Variants in CLASP1 observed in about 807,000 individuals in gnomAD.
CLASP1 encodes the protein cytoplasmic linker associated protein 1.
CLASP1 carries 38 observed loss-of-function variants against 192.3 expected under a neutral mutation model. The ratio of observed to expected loss-of-function variants is 0.20; its 90% CI spans 0.15 to 0.26. CLASP1 has a LOEUF of 0.26. Among genes scored for constraint, CLASP1 ranks in the 10% least tolerant of loss-of-function variants. CLASP1 has a pLI of 1.00. For missense variants in CLASP1, 1,433 were observed against 1,932.5 expected (o/e 0.74, Z 4.85); for synonymous variants, 691 against 712.8 (o/e 0.97, Z 0.49).
chr2:121,454,923 T>C lies in CLASP1; in HGVS notation c.1385+2764A>G, dbSNP rs113787080. On this transcript the variant is annotated intron_variant, in intron 14 of 39. Coordinates refer to ENST00000263710, the Ensembl canonical transcript of CLASP1. ...TTCACTAAATGTTTTACGTAATGAT[T>C]GTGAATCCTCCAAACCTTACAGAGG... Among the ~76,000 whole-genome samples, 936 of 152,360 alleles carry C rather than the reference T, an allele frequency of 6.1e-3. 3 individuals are homozygous for C. Among genetic ancestry groups the C allele is most frequent in the Non-Finnish European group, 0.01 (685 of 68,036 alleles).
chr2:121,352,487 C>T (rs778799364), intron 37 of CLASP1, among the ~76,000 whole-genome samples: 17 of 152,196 alleles, frequency 1.1e-4, no homozygotes, highest in African/African-American at 3.6e-4. Flanking sequence ...CTGGTGTGTA[C>T]GTGTGGCCTT....
chr2:121,376,890 T>C (rs2070371977), intron 34 of CLASP1, among the ~76,000 whole-genome samples: 1 of 152,128 alleles, frequency 6.6e-6, no homozygotes, highest in Non-Finnish European at 1.5e-5. Flanking sequence ...TTTGTCACTG[T>C]CTCCCAGCAC....
intron 4 of CLASP1, 56 bp downstream of exon 4, chr2:121,528,621 C>T (rs1478687241): frequency 7.5e-7 from 1 of 1,330,992 alleles, no homozygotes; most frequent in African/African-American, 1.4e-5. Context: ...CACACCCTCG[C>T]ACGTGCATGC....
intron 7 of CLASP1, among the ~76,000 whole-genome samples, chr2:121,511,734 A>C (rs546474127): frequency 6.6e-6 from 1 of 152,392 alleles, no homozygotes; most frequent in African/African-American, 2.4e-5. Flanking sequence ...ATCAATAAAA[A>C]CAGTTGACAG....
Position 121,625,285 on chromosome 2 carries a change from T to C in CLASP1, c.-285-19105A>G, listed in dbSNP as rs2068095434. ...TTCTATACTAAGTATTCCATGTGCA[T>C]GTACAAATGAAAAGCAAGTCTCCCT... On this transcript the variant is annotated intron_variant, in intron 1 of 39. Coordinates refer to ENST00000263710, the Ensembl canonical transcript of CLASP1. 2.6e-5 allele frequency among the ~76,000 whole-genome samples: 4 copies of C among 152,298 alleles called. No individual in the cohort carries two copies. The East Asian group carries it at 7.7e-4, about 29-fold the overall frequency.
chr2:121,615,656 C>T (rs188327169), intron 1 of CLASP1, among the ~76,000 whole-genome samples: 19 of 152,078 alleles, frequency 1.2e-4, no homozygotes, highest in Admixed American at 9.8e-4. Context: ...TGGTGGCACA[C>T]GCCTGTAATC....
chr2:121,565,498 C>G (rs992839838), intron 2 of CLASP1, among the ~76,000 whole-genome samples: 6 of 152,180 alleles, frequency 3.9e-5, no homozygotes, highest in Non-Finnish European at 8.8e-5. Flanking sequence ...TTTAAACCCT[C>G]TCTAAATGAG....
chr2:121,417,729 A>T (rs1347601549), intron 23 of CLASP1, among the ~76,000 whole-genome samples: 1 of 152,268 alleles, frequency 6.6e-6, no homozygotes. Flanking sequence ...GACACTGATT[A>T]GGGAAAAAAG....
chr2:121,417,011 G>A (rs2078712757), intron 23 of CLASP1, among the ~76,000 whole-genome samples: 2 of 152,304 alleles, frequency 1.3e-5, no homozygotes, highest in South Asian at 4.2e-4. Context: ...ATTTTAGCTC[G>A]AAGACCTTAA....
chr2:121,413,676 T>C (rs2078098300), intron 23 of CLASP1, among the ~76,000 whole-genome samples: 2 of 152,220 alleles, frequency 1.3e-5, no homozygotes, highest in African/African-American at 4.8e-5. Context: ...AAATTATGTA[T>C]GCTATAATTT....
chr2:121,456,510 G>A (rs1379233758), intron 14 of CLASP1, among the ~76,000 whole-genome samples: 10 of 140,528 alleles, frequency 7.1e-5, no homozygotes, highest in African/African-American at 2.1e-4. Context: ...AAGAAAGGAA[G>A]GAAGGAAAGG....
At chr2:121,537,152 G>C in intron 2 of CLASP1, among the ~76,000 whole-genome samples, 1 of 152,170 alleles carries the variant, frequency 6.6e-6, no homozygotes, top group East Asian at 1.9e-4. Context: ...AGCAATTTGA[G>C]AGGTCAAGGC....
intron 22 of CLASP1, among the ~76,000 whole-genome samples, chr2:121,423,403 G>A (rs1264291226): frequency 6.6e-6 from 1 of 151,888 alleles, no homozygotes; most frequent in Non-Finnish European, 1.5e-5. Context: ...TTAAAACCAT[G>A]GAACACATTA....
chr2:121,344,337 A>T (rs1418304111), intron 39 of CLASP1, among the ~76,000 whole-genome samples: 5 of 151,910 alleles, frequency 3.3e-5, no homozygotes, highest in African/African-American at 1.2e-4. Flanking sequence ...CTTAAAAAAA[A>T]ACCTTTTTTT....
chr2:121,624,892 C>A (rs1051766320), intron 1 of CLASP1, among the ~76,000 whole-genome samples: 9 of 152,142 alleles, frequency 5.9e-5, no homozygotes, highest in African/African-American at 2.2e-4. Flanking sequence ...GAGTATTTTC[C>A]AATTTTCCTG....
At chr2:121,362,389 G>A (rs1443716521) in intron 37 of CLASP1, among the ~76,000 whole-genome samples, 1 of 147,740 alleles carries the variant, frequency 6.8e-6, no homozygotes, top group African/African-American at 2.4e-5. Flanking sequence ...CTGAGTTTTT[G>A]CTGAGTGTGC....
rs774477623 is a variant in CLASP1 at position 121,468,140 on chromosome 2, T to C, written c.865+1668A>G. Among the ~76,000 whole-genome samples the C allele has an allele frequency of 5.5e-4, 84 of 152,212 alleles. 1 individual carries two copies. Among genetic ancestry groups the C allele is most frequent in the Admixed American group, 3.3e-3 (51 of 15,290 alleles). The stretch of plus-strand genomic sequence containing the variant: ...TTTCTGGGTTCTCTCTTCTATTCCA[T>C]TGGTCTATGTGTCTGTTCTTGTACT... On this transcript the variant is annotated intron_variant, in intron 9 of 39. Transcript: ENST00000263710.
chr2:121,381,793 T>C (rs1466684222), intron 33 of CLASP1, among the ~76,000 whole-genome samples: 1 of 152,110 alleles, frequency 6.6e-6, no homozygotes, highest in Non-Finnish European at 1.5e-5. Flanking sequence ...GTGACAGGTA[T>C]GGTTTGGGAA....
intron 7 of CLASP1, among the ~76,000 whole-genome samples, chr2:121,506,586 G>A (rs990008085): frequency 1.2e-4 from 19 of 152,142 alleles, no homozygotes; most frequent in African/African-American, 4.1e-4. Context: ...GGGAGGTCAC[G>A]TATATGTGCA....
Sources: allele counts gnomAD v4.1 joint callset (sites outside exome capture counted in the v4.1 genomes callset), GRCh38; gene constraint gnomAD v4.1.1; transcripts MANE v1.5; gene names NCBI Gene and HGNC (gene_info 2026-07-23, HGNC 2026-07-21).